SHTN1: variants seen among roughly 807,000 people sequenced by gnomAD.
The protein encoded by SHTN1 is shootin 1, also known as shootin-1.
In SHTN1, 42 loss-of-function variants were observed where a neutral mutation model predicts 83.1. The ratio of observed to expected loss-of-function variants is 0.51; its 90% CI spans 0.39 to 0.65. The LOEUF (loss-of-function observed/expected upper bound fraction) is 0.65. Among genes scored for constraint, SHTN1 ranks in the 30% least tolerant of loss-of-function variants. The probability of loss-of-function intolerance (pLI) is 0.00; values close to 1 mark genes in which losing one functional copy is unlikely to be tolerated. For synonymous variants in SHTN1, 224 were observed against 247.7 expected (o/e 0.90, Z 0.90); for missense variants, 622 against 737.8 (o/e 0.84, Z 1.82).
At chr10:116,954,294 T>C (rs1849895934) in intron 4 of SHTN1, 84 bp from the exon 5 acceptor site, 3 of 895,050 alleles carry the variant, frequency 3.4e-6, no homozygotes, top group Non-Finnish European at 5.0e-6. Context: ...ATTAAGTATA[T>C]TTTTGTCTTA....
chr10:116,959,001 T>C (rs1291946203), intron 4 of SHTN1, among the ~76,000 whole-genome samples: 2 of 152,156 alleles, frequency 1.3e-5, no homozygotes, highest in African/African-American at 2.4e-5. Flanking sequence ...ATAGAGAGTA[T>C]ATCCTTAGAC....
chr10:116,953,634 T>TTG (rs1554918513), intron 5 of SHTN1, among the ~76,000 whole-genome samples: 2 of 142,640 alleles, frequency 1.4e-5, no homozygotes, highest in Admixed American at 7.0e-5. Flanking sequence ...TTTTTTTTTT[T>TTG]TTTTTTTTTT....
chr10:116,994,223 A>C (rs1851547914), intron 1 of SHTN1, among the ~76,000 whole-genome samples: 1 of 152,110 alleles, frequency 6.6e-6, no homozygotes, highest in African/African-American at 2.4e-5. Flanking sequence ...GAAAGGAGTG[A>C]TTTTGTCTAA....
chr10:117,036,049 G>T (rs576545017), intron 2 of SHTN1, among the ~76,000 whole-genome samples: 2 of 151,536 alleles, frequency 1.3e-5, no homozygotes, highest in East Asian at 3.9e-4. Flanking sequence ...CAACATCACT[G>T]ATCATCAGAG....
At chr10:117,015,553 A>T (rs1480353775) in intron 2 of SHTN1, among the ~76,000 whole-genome samples, 1 of 152,136 alleles carries the variant, frequency 6.6e-6, no homozygotes, top group East Asian at 1.9e-4. Context: ...CTGGTCTCGA[A>T]CTTCCAACCT....
chr10:117,117,335 G>A (rs1589939092), intron 1 of SHTN1, among the ~76,000 whole-genome samples: 1 of 152,014 alleles, frequency 6.6e-6, no homozygotes, highest in East Asian at 1.9e-4. Flanking sequence ...AAAATACTTA[G>A]GAATCAATTT....
chr10:117,019,019 G>A (rs1199597741), intron 2 of SHTN1, among the ~76,000 whole-genome samples: 2 of 151,744 alleles, frequency 1.3e-5, no homozygotes, highest in African/African-American at 2.4e-5. Context: ...AAAACTACAG[G>A]AATTTTCAAA....
intron 12 of SHTN1, among the ~76,000 whole-genome samples, chr10:116,920,020 C>T (rs1460131740): frequency 6.6e-6 from 1 of 152,120 alleles, no homozygotes; most frequent in East Asian, 1.9e-4. Context: ...GCAATCTGCT[C>T]AGGGGGAGAG....
Position 117,005,073 on chromosome 10 carries a change from T to A in SHTN1, c.7A>T (p.Ser3Cys). MN[S>C]SDEEKQLQLI... is the part of the protein sequence containing the mutation. ...TGCAGCTGCTTCTCTTCGTCCGAGC[T>A]GTTCATTTTGGCGGGTGGGGCCGGG... is the stretch of plus-strand genomic sequence containing the variant. The change falls in exon 1 of 17, where the codon AGC becomes TGC. Residue 3 changes from serine to cysteine, a missense_variant. Ser to Cys is a moderately radical substitution (Grantham distance 112). This residue lies in a region of SHTN1 where 383 missense variants were observed against 455.8 expected (regional missense o/e 0.84). Transcript: ENST00000355371. 1 of 1,597,378 alleles carries A rather than the reference T, an allele frequency of 6.3e-7. No individual in the cohort carries two copies. Among genetic ancestry groups the A allele is most frequent in the South Asian group, 1.1e-5 (1 of 87,872 alleles).
intron 16 of SHTN1, chr10:116,900,297 T>C: frequency 1.8e-6 from 1 of 540,600 alleles, no homozygotes; most frequent in East Asian, 2.9e-5. Context: ...ATGTGTCTCT[T>C]AAGCAGTCAT....
At chr10:116,969,806 T>C (rs1027184802) in intron 2 of SHTN1, among the ~76,000 whole-genome samples, 1 of 152,186 alleles carries the variant, frequency 6.6e-6, no homozygotes, top group Non-Finnish European at 1.5e-5. Flanking sequence ...AAGGACTGAA[T>C]TCAGTATATC....
chr10:116,932,410 G>T (rs1464713030), intron 9 of SHTN1, among the ~76,000 whole-genome samples: 1 of 152,150 alleles, frequency 6.6e-6, no homozygotes, highest in Non-Finnish European at 1.5e-5. Flanking sequence ...CGCTCTTTAT[G>T]ATAATCTAAT....
At chr10:117,046,030 G>C (rs984452008) in intron 2 of SHTN1, among the ~76,000 whole-genome samples, 2 of 152,054 alleles carry the variant, frequency 1.3e-5, no homozygotes, top group Admixed American at 6.6e-5. Context: ...ACTGAGGAAA[G>C]AATCAATGTG....
At chr10:117,020,238 C>T (rs1219661399) in intron 2 of SHTN1, among the ~76,000 whole-genome samples, 4 of 151,760 alleles carry the variant, frequency 2.6e-5, no homozygotes, top group African/African-American at 9.7e-5. Flanking sequence ...GCCTGTAATC[C>T]CAGCACTTTG....
intron 2 of SHTN1, among the ~76,000 whole-genome samples, chr10:117,038,079 T>C (rs1455473300): frequency 3.4e-5 from 5 of 146,648 alleles, no homozygotes; most frequent in African/African-American, 1.3e-4. Context: ...CGTAAAACCA[T>C]AAAACTCCAA....
At chr10:116,921,563 A>G in intron 11 of SHTN1, 47 bp from the exon 12 acceptor site, 1 of 1,391,040 alleles carries the variant, frequency 7.2e-7, no homozygotes, top group Non-Finnish European at 1.0e-6. Flanking sequence ...GGATGCCTAG[A>G]TCCTAAATAA....
chr10:117,123,364 C>A (rs778553010), intron 1 of SHTN1, among the ~76,000 whole-genome samples: 14 of 151,936 alleles, frequency 9.2e-5, no homozygotes, highest in Admixed American at 2.0e-4. Flanking sequence ...CCAGAAGAGA[C>A]AACTTTGAGA....
intron 1 of SHTN1, among the ~76,000 whole-genome samples, chr10:117,101,243 T>C (rs540110553): frequency 6.6e-6 from 1 of 152,228 alleles, no homozygotes; most frequent in Non-Finnish European, 1.5e-5. Flanking sequence ...TATAACATTG[T>C]ATCTTGGTCT....
At chr10:117,058,146 C>A (rs1852851420) in intron 1 of SHTN1, among the ~76,000 whole-genome samples, 1 of 152,038 alleles carries the variant, frequency 6.6e-6, no homozygotes, top group Non-Finnish European at 1.5e-5. Context: ...ATGACAAAAA[C>A]AAGCAACAAA....
Sources: allele counts gnomAD v4.1 joint callset (sites outside exome capture counted in the v4.1 genomes callset), GRCh38; gene constraint gnomAD v4.1.1; regional missense constraint gnomAD v4.1.1; transcripts MANE v1.5; gene names NCBI Gene and HGNC (gene_info 2026-07-23, HGNC 2026-07-21).